Variants in PHKB observed in about 807,000 individuals in gnomAD.
PHKB encodes phosphorylase kinase regulatory subunit beta, also known as phosphorylase b kinase regulatory subunit beta.
In PHKB, 122 loss-of-function variants were observed where a neutral mutation model predicts 152.1. The ratio of observed to expected loss-of-function variants is 0.80; its 90% CI spans 0.69 to 0.93. The LOEUF (loss-of-function observed/expected upper bound fraction) is 0.93, where lower values mean the gene tolerates loss of function less well. PHKB is among the 40% of genes least tolerant of loss of function. The pLI is 0.00. For missense variants in PHKB, 1,304 were observed against 1,328.4 expected (o/e 0.98, Z 0.29); for synonymous variants, 436 against 464.9 (o/e 0.94, Z 0.80).
chr16:47,649,099 G>A lies in PHKB; in HGVS notation c.1693-1G>A. 6.4e-7 allele frequency: 1 copy of A among 1,560,948 alleles called. No individual in the cohort carries two copies. Among genetic ancestry groups the A allele is most frequent in the Non-Finnish European group, 8.8e-7 (1 of 1,131,602 alleles). On this transcript the variant is annotated splice_acceptor_variant, in intron 17 of 30. Transcript: ENST00000323584. LOFTEE classifies it high-confidence loss of function. Reference sequence around the variant, plus strand: ...TTGTTTTAAAACTTTTTCCCTTACAGATTTATCGCATTCTAGGAAAGACTG... The same window carrying A: ...TTGTTTTAAAACTTTTTCCCTTACAAATTTATCGCATTCTAGGAAAGACTG...
At chr16:47,604,724 G>C (rs897885859) in intron 13 of PHKB, among the ~76,000 whole-genome samples, 67 of 151,624 alleles carry the variant, frequency 4.4e-4, no homozygotes, top group African/African-American at 1.6e-3. Context: ...TTCTTTTTAC[G>C]CTGGACAGTT....
chr16:47,570,345 G>C (rs1378241045), intron 7 of PHKB, among the ~76,000 whole-genome samples: 1 of 152,168 alleles, frequency 6.6e-6, no homozygotes, highest in African/African-American at 2.4e-5. Context: ...GATTAGGAAA[G>C]TTTTTGTCAG....
intron 1 of PHKB, among the ~76,000 whole-genome samples, chr16:47,473,050 T>TTTTG (rs538902267): frequency 3.3e-5 from 5 of 150,874 alleles, no homozygotes; most frequent in South Asian, 4.2e-4. Flanking sequence ...GTGTTTTTTT[T>TTTTG]TTTGTTTGTT....
chr16:47,586,393 C>T (rs930430953), intron 8 of PHKB, among the ~76,000 whole-genome samples: 2 of 152,170 alleles, frequency 1.3e-5, no homozygotes, highest in Non-Finnish European at 2.9e-5. Context: ...GTTTACCATT[C>T]ATCTGGTGGT....
At chr16:47,591,699 C>T (rs772522829) in intron 10 of PHKB, among the ~76,000 whole-genome samples, 2 of 152,090 alleles carry the variant, frequency 1.3e-5, no homozygotes, top group Non-Finnish European at 2.9e-5. Context: ...TAACTCATAC[C>T]TCTCCTCAAG....
chr16:47,637,124 G>A (rs762044336), intron 14 of PHKB, among the ~76,000 whole-genome samples: 50 of 152,232 alleles, frequency 3.3e-4, no homozygotes, highest in African/African-American at 1.1e-3. Context: ...CTCCCACTGC[G>A]GGTCTCCTCT....
chr16:47,482,246 T>C lies in PHKB; in HGVS notation c.77-15153T>C, dbSNP rs536702864. 5.3e-5 allele frequency among the ~76,000 whole-genome samples: 8 copies of C among 152,338 alleles called. No individual in the cohort carries two copies. In the East Asian group the frequency reaches 1.3e-3, roughly 26 times the overall value. On this transcript the variant is annotated intron_variant, in intron 1 of 30. Transcript: ENST00000323584. ...TATAGTGTGGGAAAGGCTAATGCCA[T>C]CTCTTCCTTGTTTCACTTAGCCAAT...
chr16:47,599,911 C>A (rs1013491574), intron 13 of PHKB, among the ~76,000 whole-genome samples: 1 of 152,172 alleles, frequency 6.6e-6, no homozygotes, highest in African/African-American at 2.4e-5. Context: ...TAAGAACCAT[C>A]AGACTTCTAT....
rs540951588 is a variant in PHKB at position 47,631,991 on chromosome 16, C to G, written c.1459-9044C>G. ...TCTAGAGTCAGCAACACCATTTGAC[C>G]CAGCAATCCCATGAGATAACTCTTA... On this transcript the variant is annotated intron_variant, in intron 14 of 30. Coordinates refer to ENST00000323584, the MANE Select transcript of PHKB (RefSeq NM_000293.3). Among the ~76,000 whole-genome samples the G allele has an allele frequency of 3.9e-5, 6 of 152,202 alleles. No homozygotes were observed. The South Asian group carries it at 1.2e-3, about 32-fold the overall frequency.
chr16:47,523,846 G>T (rs1231065880), intron 6 of PHKB, among the ~76,000 whole-genome samples: 1 of 152,214 alleles, frequency 6.6e-6, no homozygotes, highest in African/African-American at 2.4e-5. Context: ...TAATGCCTGT[G>T]TTCAAGGAGC....
intron 1 of PHKB, among the ~76,000 whole-genome samples, chr16:47,480,234 C>G (rs1969940970): frequency 6.6e-6 from 1 of 152,124 alleles, no homozygotes; most frequent in Non-Finnish European, 1.5e-5. Context: ...CTGGTTAGCA[C>G]TAGAAGTTAA....
At chr16:47,672,293 T>C (rs1973650772) in intron 26 of PHKB, among the ~76,000 whole-genome samples, 1 of 152,138 alleles carries the variant, frequency 6.6e-6, no homozygotes, top group African/African-American at 2.4e-5. Flanking sequence ...GAACTTTGAG[T>C]TATATCCTGA....
intron 1 of PHKB, among the ~76,000 whole-genome samples, chr16:47,495,372 T>C (rs1970214708): frequency 6.6e-6 from 1 of 152,150 alleles, no homozygotes; most frequent in South Asian, 2.1e-4. Flanking sequence ...TAAGTTTGCA[T>C]ATTCTATATC....
intron 14 of PHKB, among the ~76,000 whole-genome samples, chr16:47,626,686 G>T (rs1223768496): frequency 6.6e-6 from 1 of 152,106 alleles, no homozygotes; most frequent in Non-Finnish European, 1.5e-5. Flanking sequence ...ACTTGTAAAG[G>T]GACCTGGGCT....
intron 6 of PHKB, among the ~76,000 whole-genome samples, chr16:47,535,582 T>C (rs989087112): frequency 6.6e-6 from 1 of 152,234 alleles, no homozygotes; most frequent in African/African-American, 2.4e-5. Flanking sequence ...TGTTTGCTTT[T>C]GGAGTTGCAG....
chr16:47,656,886 A>G (rs919003358), intron 20 of PHKB, among the ~76,000 whole-genome samples: 7 of 152,088 alleles, frequency 4.6e-5, no homozygotes, highest in African/African-American at 1.7e-4. Flanking sequence ...GTTGCTAGCC[A>G]TGCTTTCCAT....
intron 6 of PHKB, among the ~76,000 whole-genome samples, chr16:47,522,585 G>C (rs1212622829): frequency 5.4e-5 from 8 of 149,478 alleles, no homozygotes; most frequent in African/African-American, 2.0e-4. Flanking sequence ...GGTTGGTTTA[G>C]GTTCATTTTT....
intron 13 of PHKB, among the ~76,000 whole-genome samples, chr16:47,604,432 C>A (rs1045978452): frequency 6.6e-6 from 1 of 152,056 alleles, no homozygotes; most frequent in Non-Finnish European, 1.5e-5. Context: ...CATACACACA[C>A]ACACACACAT....
chr16:47,469,949 A>G (rs1457401868), intron 1 of PHKB, among the ~76,000 whole-genome samples: 1 of 152,224 alleles, frequency 6.6e-6, no homozygotes, highest in Non-Finnish European at 1.5e-5. Flanking sequence ...TACTAATGAT[A>G]ATAATGATTT....
Sources: gnomAD v4.1 joint callset for allele counts (sites outside exome capture counted in the v4.1 genomes callset) on GRCh38, gnomAD v4.1.1 for gene constraint, MANE v1.5 for transcripts, NCBI Gene and HGNC (gene_info 2026-07-23, HGNC 2026-07-21) for gene names.